Variants in CPLX1 observed in about 807,000 individuals in gnomAD.
CPLX1 encodes the protein complexin-1.
CPLX1 carries 6 observed loss-of-function variants against 15.6 expected under a neutral mutation model. That is an observed-to-expected ratio of 0.39 (90% CI 0.21 to 0.76). The LOEUF (loss-of-function observed/expected upper bound fraction) is 0.76, where lower values mean the gene tolerates loss of function less well. Ranked by LOEUF, CPLX1 falls within the 30% of genes least tolerant of loss-of-function variation. The pLI is 0.43. For synonymous variants in CPLX1, 91 were observed against 75.2 expected (o/e 1.21, Z -1.08); for missense variants, 242 against 188.6 (o/e 1.28, Z -1.66).
chr4:821,787 TG>T (rs1746869168), intron 2 of CPLX1, among the ~76,000 whole-genome samples: 1 of 152,164 alleles, frequency 6.6e-6, no homozygotes, highest in African/African-American at 2.4e-5. Context: ...CTTCCCTTGG[TG>T]GCCCCAACAG....
At chr4:811,657 A>G (rs960808733) in intron 2 of CPLX1, among the ~76,000 whole-genome samples, 1 of 152,162 alleles carries the variant, frequency 6.6e-6, no homozygotes, top group African/African-American at 2.4e-5. Flanking sequence ...GTCTTGGCAA[A>G]TGCTCCATGT....
intron 3 of CPLX1, chr4:788,408 G>A (rs1033994397): frequency 7.1e-6 from 7 of 985,276 alleles, no homozygotes; most frequent in African/African-American, 1.7e-5. Context: ...CCTGTGGCCA[G>A]ACCACCACCT....
At chr4:788,650 G>A in intron 3 of CPLX1, 2 of 944,952 alleles carry the variant, frequency 2.1e-6, no homozygotes, top group Non-Finnish European at 2.5e-6. Context: ...TCCACAGCGG[G>A]AAGGGCAGCA....
Position 786,696 on chromosome 4 carries a change from G to A in CPLX1, c.210C>T (p.Tyr70=), listed in dbSNP as rs757558496. The A allele has an allele frequency of 6.3e-7, 1 of 1,595,566 alleles. No homozygotes were observed. The highest frequency in any genetic ancestry group is 8.5e-7 in the Non-Finnish European group (1 of 1,169,626). ...EAVRQGIRDK[Y]GIKKKEEREA... is the part of the protein sequence containing the mutation. Reference sequence around the variant, plus strand: ...CGCGCTCCTCCTTCTTCTTGATGCCGTACTGCGGGGGAGGCGGGGGTCAGG... The same window carrying A: ...CGCGCTCCTCCTTCTTCTTGATGCCATACTGCGGGGGAGGCGGGGGTCAGG... The change falls in exon 4 of 4, where the codon TAC becomes TAT. Residue 70 remains tyrosine, a splice_region_variant and synonymous_variant. Coordinates refer to ENST00000304062, the MANE Select transcript of CPLX1 (RefSeq NM_006651.4).
chr4:799,767 G>A (rs529479113), intron 2 of CPLX1, among the ~76,000 whole-genome samples: 9 of 152,302 alleles, frequency 5.9e-5, no homozygotes, highest in African/African-American at 1.7e-4. Flanking sequence ...GTAGGCTGAG[G>A]CACAAGAATT....
chr4:786,897 A>C (rs1746011336), intron 3 of CPLX1, 199 bp from the exon 4 acceptor site: 1 of 980,102 alleles, frequency 1.0e-6, no homozygotes, highest in South Asian at 4.7e-5. Flanking sequence ...CCCACGGAGA[A>C]TGGGGGCCAG....
chr4:805,125 G>C (rs969666054), intron 2 of CPLX1, among the ~76,000 whole-genome samples: 2 of 152,234 alleles, frequency 1.3e-5, no homozygotes, highest in African/African-American at 4.8e-5. Context: ...AGGGAAGCCC[G>C]GGGCCTGGAG....
At chr4:797,924 C>T (rs555313808) in intron 2 of CPLX1, among the ~76,000 whole-genome samples, 4 of 151,520 alleles carry the variant, frequency 2.6e-5, no homozygotes, top group African/African-American at 7.3e-5. Flanking sequence ...AGCGAGACTC[C>T]GTCTCAAAAA....
intron 2 of CPLX1, among the ~76,000 whole-genome samples, chr4:822,950 C>G (rs1286382349): frequency 6.6e-6 from 1 of 152,222 alleles, no homozygotes; most frequent in African/African-American, 2.4e-5. Flanking sequence ...TGCTGGCTGC[C>G]CCCGCTCAGC....
At chr4:788,517 C>G in intron 3 of CPLX1, 1 of 985,474 alleles carries the variant, frequency 1.0e-6, no homozygotes, top group Non-Finnish European at 1.2e-6. Flanking sequence ...CTCAGTGAAA[C>G]GAAGAGCACA....
At chr4:795,315 C>T (rs1218896042) in intron 2 of CPLX1, among the ~76,000 whole-genome samples, 2 of 152,244 alleles carry the variant, frequency 1.3e-5, no homozygotes, top group African/African-American at 4.8e-5. Context: ...GAACGGGCGG[C>T]CCCGAGCACT....
intron 2 of CPLX1, among the ~76,000 whole-genome samples, chr4:823,948 C>T (rs1427975450): frequency 2.6e-5 from 4 of 152,374 alleles, no homozygotes; most frequent in South Asian, 2.1e-4. Flanking sequence ...CCTTCGCTCC[C>T]GTAACCAGCA....
intron 2 of CPLX1, among the ~76,000 whole-genome samples, chr4:818,918 T>C (rs1483802440): frequency 6.6e-6 from 1 of 152,184 alleles, no homozygotes; most frequent in African/African-American, 2.4e-5. Context: ...GGGGACCGCC[T>C]AGTGGAAGGG....
rs928030950 is a variant in CPLX1, at chr4:804,664, T to C, written c.32-12056A>G. 3 of 905,340 alleles carry C rather than the reference T, an allele frequency of 3.3e-6. No individual in the cohort carries two copies. The African/African-American group carries it at 5.4e-5, about 16-fold the overall frequency. The allele number at this position is 905,340 out of a possible 1,614,324, so 56.1% of individuals were successfully genotyped here. On this transcript the variant is annotated intron_variant, in intron 2 of 3. Coordinates refer to ENST00000304062, the MANE Select transcript of CPLX1 (RefSeq NM_006651.4). ...AGCTTAAACTCCAACGCTTTTGTTCTTTTTGGGGCTTTGGATAAAATTAAG... is the reference window on the plus strand; with the variant it reads ...AGCTTAAACTCCAACGCTTTTGTTCCTTTTGGGGCTTTGGATAAAATTAAG...
intron 2 of CPLX1, among the ~76,000 whole-genome samples, chr4:810,413 A>G (rs951135423): frequency 6.6e-6 from 1 of 152,082 alleles, no homozygotes; most frequent in Non-Finnish European, 1.5e-5. Context: ...GCTGTGTATT[A>G]AATTTCTATT....
intron 2 of CPLX1, among the ~76,000 whole-genome samples, chr4:824,240 G>A (rs778767684): frequency 1.3e-5 from 2 of 152,240 alleles, no homozygotes; most frequent in Non-Finnish European, 2.9e-5. Flanking sequence ...CAGCAGTGGG[G>A]CAGAGTGAGC....
chr4:792,576 C>A lies in CPLX1; in HGVS notation c.64G>T (p.Gly22Cys), dbSNP rs745590886. 3.7e-6 allele frequency: 6 copies of A among 1,613,056 alleles called. 1 individual carries two copies. The South Asian group carries it at 6.6e-5, about 18-fold the overall frequency. Residue 22 changes from glycine to cysteine, a missense_variant, in exon 3 of 4, where the codon GGT (glycine) becomes TGT (cysteine). Physicochemically the swap from Gly to Cys is radical, Grantham distance 159. Coordinates refer to ENST00000304062, the MANE Select transcript of CPLX1 (RefSeq NM_006651.4). ...ATKDMGKMLG[G>C]DEEKDPDAAK... ...GCGTCTGGGTCCTTCTCCTCGTCACCCCCCAGCATCTTCCCCATGTCCTTG... is the reference window on the plus strand; with the variant it reads ...GCGTCTGGGTCCTTCTCCTCGTCACACCCCAGCATCTTCCCCATGTCCTTG...
intron 2 of CPLX1, among the ~76,000 whole-genome samples, chr4:820,910 G>A (rs749593390): frequency 1.3e-4 from 20 of 152,134 alleles, no homozygotes; most frequent in Middle Eastern, 3.2e-3. Context: ...ACGGGGGCGC[G>A]GAGGGGCTCT....
intron 2 of CPLX1, among the ~76,000 whole-genome samples, chr4:815,825 G>A (rs180852911): frequency 4.6e-5 from 7 of 152,296 alleles, no homozygotes; most frequent in African/African-American, 1.4e-4. Context: ...TTGTTACAAC[G>A]GGTGGGGAAG....
Sources: gnomAD v4.1 joint callset for allele counts (sites outside exome capture counted in the v4.1 genomes callset) on GRCh38, gnomAD v4.1.1 for gene constraint, MANE v1.5 for transcripts, NCBI Gene and HGNC (gene_info 2026-07-23, HGNC 2026-07-21) for gene names.